Variants in SLC24A2 observed in about 807,000 individuals in gnomAD.
The protein encoded by SLC24A2 is solute carrier family 24 member 2.
A neutral mutation model predicts 62.0 loss-of-function variants in SLC24A2; 36 were observed. The ratio of observed to expected loss-of-function variants is 0.58; its 90% CI spans 0.44 to 0.77. The LOEUF is 0.77. SLC24A2 is among the 30% of genes least tolerant of loss of function. The pLI, the probability that SLC24A2 is intolerant of heterozygous loss-of-function variation, is 0.00. For missense variants in SLC24A2, 846 were observed against 817.9 expected (o/e 1.03, Z -0.42); for synonymous variants, 358 against 294.0 (o/e 1.22, Z -2.23).
chr9:20,264,988 G>A, the SLC24A2 span, among the ~76,000 whole-genome samples: 1 of 152,196 alleles, frequency 6.6e-6, no homozygotes, highest in Admixed American at 6.5e-5. Flanking sequence ...ATTCACCCGT[G>A]CTCCCAGCCC....
chr9:20,294,857 A>G, the SLC24A2 span, among the ~76,000 whole-genome samples: 3 of 152,144 alleles, frequency 2.0e-5, no homozygotes, highest in Admixed American at 1.3e-4. Flanking sequence ...ATGTTCCTAC[A>G]AGCCTGAGCT....
chr9:19,978,931 A>C, the SLC24A2 span, among the ~76,000 whole-genome samples: 1 of 152,192 alleles, frequency 6.6e-6, no homozygotes, highest in Non-Finnish European at 1.5e-5. Context: ...TGGTGGAAGA[A>C]GACTTAAAGA....
upstream of SLC24A2, among the ~76,000 whole-genome samples, chr9:19,789,078 G>A (rs1823268287): frequency 1.3e-5 from 2 of 152,176 alleles, no homozygotes; most frequent in South Asian, 4.1e-4. Flanking sequence ...GGCGCTGCCC[G>A]GCCCCCGCCG....
the SLC24A2 span, among the ~76,000 whole-genome samples, chr9:20,137,172 G>A: frequency 2.0e-5 from 3 of 152,156 alleles, no homozygotes; most frequent in Non-Finnish European, 1.5e-5. Context: ...ATTGATGTGT[G>A]TGTAAATGAA....
rs192250816 is a variant in SLC24A2, at chr9:19,535,804, T to A, written c.1480-7666A>T. ...GATGCCTCCAGCTTTGTTCTTTGCT[T>A]AGGATTGCCTTGGCTATACAGGCTC... On this transcript the variant is annotated intron_variant, in intron 8 of 10. Transcript: ENST00000341998. Among the ~76,000 whole-genome samples, 8 of 152,282 alleles carry A rather than the reference T, an allele frequency of 5.3e-5. 1 individual carries two copies. The highest frequency in any genetic ancestry group is 5.2e-4 in the Admixed American group (8 of 15,290).
chr9:19,836,710 C>T, the SLC24A2 span, among the ~76,000 whole-genome samples: 1 of 152,148 alleles, frequency 6.6e-6, no homozygotes, highest in African/African-American at 2.4e-5. Context: ...AAGAGGGAAT[C>T]CTCCCTAACT....
the SLC24A2 span, among the ~76,000 whole-genome samples, chr9:19,995,033 C>G: frequency 6.7e-6 from 1 of 150,270 alleles, no homozygotes. Flanking sequence ...TTTAATTTGG[C>G]GGATGGTGAG....
At chr9:19,939,726 C>T in the SLC24A2 span, among the ~76,000 whole-genome samples, 1 of 152,170 alleles carries the variant, frequency 6.6e-6, no homozygotes, top group Non-Finnish European at 1.5e-5. Context: ...TTTTCAGCTT[C>T]GTTATAATCT....
At chr9:19,946,397 T>C in the SLC24A2 span, among the ~76,000 whole-genome samples, 3 of 152,200 alleles carry the variant, frequency 2.0e-5, no homozygotes, top group African/African-American at 7.2e-5. Flanking sequence ...CACATTCCCA[T>C]AGTGTCCCAT....
the SLC24A2 span, among the ~76,000 whole-genome samples, chr9:20,067,374 T>C: frequency 1.3e-5 from 2 of 152,202 alleles, no homozygotes; most frequent in East Asian, 3.8e-4. Context: ...TATTCTGTGG[T>C]GACCATATCC....
At chr9:19,945,093 A>G in the SLC24A2 span, among the ~76,000 whole-genome samples, 1 of 152,330 alleles carries the variant, frequency 6.6e-6, no homozygotes, top group South Asian at 2.1e-4. Flanking sequence ...GCAAAATCAG[A>G]ACACTAGCAT....
At chr9:20,216,959 G>A in the SLC24A2 span, among the ~76,000 whole-genome samples, 4 of 152,074 alleles carry the variant, frequency 2.6e-5, no homozygotes, top group Non-Finnish European at 4.4e-5. Context: ...GAGAAGGTTT[G>A]TCCCAAAAGA....
At chr9:20,274,621 T>C in the SLC24A2 span, among the ~76,000 whole-genome samples, 3 of 152,148 alleles carry the variant, frequency 2.0e-5, no homozygotes, top group Admixed American at 1.3e-4. Flanking sequence ...TCTAACACTA[T>C]GAAGAAACTC....
chr9:19,697,362 T>C (rs1447235371), intron 2 of SLC24A2, among the ~76,000 whole-genome samples: 2 of 152,260 alleles, frequency 1.3e-5, no homozygotes, highest in East Asian at 3.9e-4. Context: ...GGTTGATCTG[T>C]GCAGCAAATC....
intron 2 of SLC24A2, among the ~76,000 whole-genome samples, chr9:19,704,389 GA>G (rs556011221): frequency 2.9e-5 from 4 of 136,110 alleles, no homozygotes; most frequent in Non-Finnish European, 6.4e-5. Context: ...AGGAAATAGG[GA>G]AAGAGAGAGA....
the SLC24A2 span, among the ~76,000 whole-genome samples, chr9:20,101,404 T>C: frequency 2.6e-5 from 4 of 152,256 alleles, no homozygotes; most frequent in Non-Finnish European, 5.9e-5. Context: ...GTACTTTCTA[T>C]ATAGTGTCTA....
At chr9:19,866,659 C>T in the SLC24A2 span, among the ~76,000 whole-genome samples, 38 of 98,456 alleles carry the variant, frequency 3.9e-4, no homozygotes, top group East Asian at 8.6e-3. Context: ...TTTTTTGAGA[C>T]GGAGTCTCGC....
At chr9:20,279,341 T>G in the SLC24A2 span, among the ~76,000 whole-genome samples, 2 of 151,988 alleles carry the variant, frequency 1.3e-5, no homozygotes, top group Non-Finnish European at 2.9e-5. Flanking sequence ...GACCAGCTTG[T>G]CCAACATGGT....
At chr9:19,796,806 T>C in the SLC24A2 span, among the ~76,000 whole-genome samples, 7 of 152,230 alleles carry the variant, frequency 4.6e-5, no homozygotes, top group Non-Finnish European at 1.0e-4. Flanking sequence ...GTCTTTTTAC[T>C]TGCAGTGTTC....
Sources: gnomAD v4.1 joint callset for allele counts (sites outside exome capture counted in the v4.1 genomes callset) on GRCh38, gnomAD v4.1.1 for gene constraint, MANE v1.5 for transcripts, NCBI Gene and HGNC (gene_info 2026-07-23, HGNC 2026-07-21) for gene names.